Variants in PIEZO2 observed in about 807,000 individuals in gnomAD.
PIEZO2 encodes piezo-type mechanosensitive ion channel component 2.
A neutral mutation model predicts 337.3 loss-of-function variants in PIEZO2; 172 were observed. The observed-to-expected ratio is 0.51, with a 90% confidence interval of 0.45 to 0.58. The LOEUF (loss-of-function observed/expected upper bound fraction) is 0.58. Ranked by LOEUF, PIEZO2 falls within the 20% of genes least tolerant of loss-of-function variation. PIEZO2 has a pLI of 0.00. For synonymous variants in PIEZO2, 1,251 were observed against 1,228.5 expected (o/e 1.02, Z -0.38); for missense variants, 3,028 against 3,391.3 (o/e 0.89, Z 2.66).
rs187083559 is a variant in PIEZO2 at position 10,813,684 on chromosome 18, C to T, written c.918-6410G>A. On this transcript the variant is annotated intron_variant, in intron 7 of 55. Coordinates refer to ENST00000674853, the MANE Select transcript of PIEZO2 (RefSeq NM_001378183.1). The surrounding 1 kb of genome is among the most constrained non-coding windows in gnomAD (Gnocchi z 4.2). ...CACCTTCTGACTATTGTTCATAACG[C>T]TGTTATGAACATGGGTGAACAAATA... Among the ~76,000 whole-genome samples the T allele has an allele frequency of 7.2e-4, 110 of 152,234 alleles. No individual in the cohort carries two copies. Among genetic ancestry groups the T allele is most frequent in the African/African-American group, 2.5e-3 (102 of 41,534 alleles).
chr18:10,726,695 A>T lies in PIEZO2; in HGVS notation c.5029+4712T>A. The T allele has an allele frequency of 7.0e-7, 1 of 1,431,832 alleles. No individual in the cohort carries two copies. The highest frequency in any genetic ancestry group is 9.7e-7 in the Non-Finnish European group (1 of 1,027,632). 88.7% of individuals were successfully genotyped at this position (1,431,832 alleles called of 1,614,324 possible). On this transcript the variant is annotated intron_variant, in intron 36 of 55. Transcript: ENST00000674853. This position sits in a 1 kb window ranked among gnomAD's most constrained non-coding sequence, Gnocchi z 5.9. The stretch of plus-strand genomic sequence containing the variant: ...CTGCCAAGTTAATTCAGCAAGGACC[A>T]GGTGTACCTGAACGGCATCCTGTGC...
intron 35 of PIEZO2, 130 bp from the exon 36 acceptor site, chr18:10,731,651 A>T: frequency 2.1e-6 from 1 of 482,074 alleles, no homozygotes; most frequent in Non-Finnish European, 3.4e-6. Context: ...GGCTATTTTT[A>T]TTATCATGAG....
At chr18:10,994,168 C>T (rs2035215000) in intron 2 of PIEZO2, among the ~76,000 whole-genome samples, 1 of 152,216 alleles carries the variant, frequency 6.6e-6, no homozygotes, top group African/African-American at 2.4e-5. Context: ...ATCCCAGTTG[C>T]AGTGAATGCC....
At chr18:10,740,907 C>A (rs1327624607) in intron 33 of PIEZO2, 124 bp downstream of exon 33, 6 of 1,017,074 alleles carry the variant, frequency 5.9e-6, no homozygotes, top group South Asian at 2.7e-5. Context: ...TACACTCCGA[C>A]CCCCTATCAA....
At chr18:10,701,275 G>T (rs2035319848) in intron 43 of PIEZO2, among the ~76,000 whole-genome samples, 1 of 152,184 alleles carries the variant, frequency 6.6e-6, no homozygotes, top group African/African-American at 2.4e-5. Context: ...AGAATTAAAT[G>T]GCGTATTTAC....
At chr18:11,118,927 G>A (rs2039960735) in intron 1 of PIEZO2, among the ~76,000 whole-genome samples, 1 of 152,096 alleles carries the variant, frequency 6.6e-6, no homozygotes, top group African/African-American at 2.4e-5. Context: ...CAAAGCAACT[G>A]GAACATAGAA....
rs903225502 is a variant in PIEZO2 at position 11,077,097 on chromosome 18, T to C, written c.65-10875A>G. Among the ~76,000 whole-genome samples the C allele has an allele frequency of 1.3e-5, 2 of 152,240 alleles. No individual in the cohort carries two copies. Among genetic ancestry groups the C allele is most frequent in the African/African-American group, 4.8e-5 (2 of 41,470 alleles). On this transcript the variant is annotated intron_variant, in intron 1 of 55. Transcript: ENST00000674853. The surrounding 1 kb of genome is among the most constrained non-coding windows in gnomAD (Gnocchi z 4.8). ...CTTAAACTATCAGACAAATTATACT[T>C]GAAATTAGACCTATTTCATTATGAA...
chr18:10,864,707 G>A (rs1225158634), intron 5 of PIEZO2, among the ~76,000 whole-genome samples: 1 of 152,226 alleles, frequency 6.6e-6, no homozygotes, highest in Non-Finnish European at 1.5e-5. Flanking sequence ...ATATCAGTGT[G>A]CCCTGGCAAA....
chr18:10,757,077 A>G (rs2037897543), intron 27 of PIEZO2, among the ~76,000 whole-genome samples: 1 of 138,374 alleles, frequency 7.2e-6, no homozygotes, highest in African/African-American at 2.9e-5. Context: ...AGGATGAAAG[A>G]TGAGGAGGAG....
chr18:10,767,516 C>T lies in PIEZO2; in HGVS notation c.2946+2632G>A, dbSNP rs1412043619. On this transcript the variant is annotated intron_variant, in intron 21 of 55. Coordinates refer to ENST00000674853, the MANE Select transcript of PIEZO2 (RefSeq NM_001378183.1). The surrounding 1 kb of genome is among the most constrained non-coding windows in gnomAD (Gnocchi z 4.2). ...CAAGATGATGGGGCAGGTGGGGATG[C>T]AGGGAGGAGAACGTCCTCTGCGCGC... Among the ~76,000 whole-genome samples, 1 of 134,974 alleles carries T rather than the reference C, an allele frequency of 7.4e-6. No homozygotes were observed. Among genetic ancestry groups the T allele is most frequent in the Non-Finnish European group, 1.7e-5 (1 of 58,030 alleles). The allele number at this position is 134,974 out of a possible 152,430, so 88.5% of individuals were successfully genotyped here. A position where few individuals can be genotyped will look rare whatever the true frequency, so the allele number is the denominator to read the frequency against.
Position 10,877,660 on chromosome 18 carries a change from G to A in PIEZO2, c.330-6245C>T, listed in dbSNP as rs905319270. On this transcript the variant is annotated intron_variant, in intron 4 of 55. Transcript: ENST00000674853. The surrounding 1 kb of genome is among the most constrained non-coding windows in gnomAD (Gnocchi z 5.3). Reference sequence around the variant, plus strand: ...GCCCTCCCCTTTATCCCCACAGCCCGGTCTGGCCTCTGGGTGACGGTAGCA... The same window carrying A: ...GCCCTCCCCTTTATCCCCACAGCCCAGTCTGGCCTCTGGGTGACGGTAGCA... 5.3e-5 allele frequency among the ~76,000 whole-genome samples: 8 copies of A among 152,136 alleles called. No individual in the cohort carries two copies. The highest frequency in any genetic ancestry group is 9.6e-5 in the African/African-American group (4 of 41,508).
chr18:11,026,598 GGAAA>G (rs2036549890), intron 2 of PIEZO2, among the ~76,000 whole-genome samples: 2 of 152,232 alleles, frequency 1.3e-5, no homozygotes, highest in Admixed American at 1.3e-4. Context: ...TGCTCCGTAT[GGAAA>G]GAGATACATA....
At chr18:10,772,551 C>A (rs1200669168) in intron 20 of PIEZO2, among the ~76,000 whole-genome samples, 1 of 152,128 alleles carries the variant, frequency 6.6e-6, no homozygotes, top group Non-Finnish European at 1.5e-5. Flanking sequence ...GAAAGAACAC[C>A]AGGTTTAAGG....
At chr18:11,091,199 C>A (rs925253282) in intron 1 of PIEZO2, among the ~76,000 whole-genome samples, 2 of 151,750 alleles carry the variant, frequency 1.3e-5, no homozygotes, top group African/African-American at 4.8e-5. Flanking sequence ...GCCTGGCCAG[C>A]ATGATGAAAC....
intron 2 of PIEZO2, among the ~76,000 whole-genome samples, chr18:11,062,712 A>C (rs1568340942): frequency 6.6e-6 from 1 of 152,236 alleles, no homozygotes; most frequent in African/African-American, 2.4e-5. Context: ...ACAATGAGAT[A>C]CCATCTTACA....
chr18:10,886,656 A>T (rs956423096), intron 4 of PIEZO2, among the ~76,000 whole-genome samples: 12 of 150,906 alleles, frequency 8.0e-5, no homozygotes. Context: ...TGTGAATGTG[A>T]TCTCTCTTTC....
chr18:10,702,477 T>G lies in PIEZO2; in HGVS notation c.6259-306A>C, dbSNP rs113358874. 0.01 allele frequency among the ~76,000 whole-genome samples: 1,570 copies of G among 152,352 alleles called. 30 individuals carry two copies. Among genetic ancestry groups the G allele is most frequent in the African/African-American group, 0.035 (1,450 of 41,574 alleles). ...TTTGAGGTGTTGGCATTATACTTAT[T>G]TAATTAGATATTGATATAATTACGC... On this transcript the variant is annotated intron_variant, in intron 42 of 55. Coordinates refer to ENST00000674853, the MANE Select transcript of PIEZO2 (RefSeq NM_001378183.1).
Position 10,902,154 on chromosome 18 carries a change from A to T in PIEZO2, c.329+9032T>A, listed in dbSNP as rs114029435. ...GTTGCATGCTCCTTATGAGAAGCTA[A>T]TGCCTGCTGATCTGAGGTGGAACAG... On this transcript the variant is annotated intron_variant, in intron 4 of 55. Transcript: ENST00000674853. Among the ~76,000 whole-genome samples the T allele has an allele frequency of 5.5e-3, 840 of 152,346 alleles. 8 individuals are homozygous for T. Among genetic ancestry groups the T allele is most frequent in the African/African-American group, 0.019 (809 of 41,574 alleles).
At chr18:10,700,394 A>G (rs865988676) in intron 43 of PIEZO2, among the ~76,000 whole-genome samples, 14 of 151,934 alleles carry the variant, frequency 9.2e-5, no homozygotes, top group South Asian at 2.1e-4. Flanking sequence ...AAGATTTATC[A>G]TTCTAAAAAC....
Sources: allele counts gnomAD v4.1 joint callset (sites outside exome capture counted in the v4.1 genomes callset), GRCh38; gene constraint gnomAD v4.1.1; non-coding constraint Gnocchi (gnomAD v3.1); transcripts MANE v1.5; gene names NCBI Gene and HGNC (gene_info 2026-07-23, HGNC 2026-07-21).